TTC23L: variants seen among roughly 807,000 people sequenced by gnomAD.
The protein encoded by TTC23L is tetratricopeptide repeat protein 23-like.
Under a neutral mutation model 48.1 loss-of-function variants are expected in TTC23L, and 42 were observed. The observed-to-expected ratio is 0.87, with a 90% CI of 0.68 to 1.13. The LOEUF is 1.13. Among genes scored for constraint, TTC23L ranks in the 50% most tolerant of loss-of-function variants. The pLI is 0.00. For missense variants in TTC23L, 391 were observed against 421.0 expected, an observed-to-expected ratio of 0.93 and a Z score of 0.62; for synonymous variants, 159 against 157.2, an observed-to-expected ratio of 1.01 and a Z score of -0.09.
At chr5:34,840,619 C>A in intron 1 of TTC23L, 46 bp from the exon 2 acceptor site, 1 of 1,531,924 alleles carries the variant, frequency 6.5e-7, no homozygotes, top group Non-Finnish European at 9.0e-7. Context: ...ATAGAACAGA[C>A]ACCCAGCCTT....
chr5:34,909,045 A>G, the TTC23L span: 2 of 1,181,938 alleles, frequency 1.7e-6, no homozygotes, highest in African/African-American at 3.1e-5. Flanking sequence ...TAAGAATAAA[A>G]TCAAGTACTT....
chr5:34,891,914 T>TTTTTC lies in TTC23L; in HGVS notation c.1078-4852_1078-4848dup, dbSNP rs1164418296. Among the ~76,000 whole-genome samples, 6 of 152,344 alleles carry TTTTTC rather than the reference T, an allele frequency of 3.9e-5. No individual in the cohort carries two copies. In the East Asian group the frequency reaches 1.2e-3, roughly 29 times the overall value. On this transcript the variant is annotated intron_variant, in intron 9 of 10. Transcript: ENST00000505624. Reference sequence around the variant, plus strand: ...GTTTCTTTAGGTACTTGGAAATTAATTTTTCTTTCTGTAAATTACAACGAA... The same window carrying TTTTTC: ...GTTTCTTTAGGTACTTGGAAATTAATTTTTCTTTTCTTTCTGTAAATTACAACGAA...
At chr5:34,840,849 C>T in intron 2 of TTC23L, 110 bp downstream of exon 2, 1 of 975,462 alleles carries the variant, frequency 1.0e-6, no homozygotes, top group Non-Finnish European at 1.6e-6. Flanking sequence ...GCGTTCACGA[C>T]CAGCCTGACC....
chr5:34,867,572 A>G (rs541238205), intron 7 of TTC23L: 1 of 163,162 alleles, frequency 6.1e-6, no homozygotes, highest in African/African-American at 2.4e-5. Context: ...CCCGGGGGAA[A>G]ACAAAACAAA....
At chr5:34,906,225 G>A in the TTC23L span, 1 of 152,044 alleles carries the variant, frequency 6.6e-6, no homozygotes, top group Non-Finnish European at 1.5e-5. Context: ...CCAAAATGCT[G>A]GGATTACAGG....
chr5:34,904,132 A>T (rs1374341680), downstream of TTC23L, among the ~76,000 whole-genome samples: 2 of 146,058 alleles, frequency 1.4e-5, no homozygotes, highest in African/African-American at 5.0e-5. Flanking sequence ...CTGGCTAATT[A>T]AAAAAAAAAA....
At position 34,839,279 on chromosome 5, in the gene TTC23L, C is replaced by G. The variant is rs968807387; in HGVS notation, c.-8+20C>G. Reference sequence around the variant, plus strand: ...ACCGAGGTGCGCCAGGGTCAGGAGGCCGACGCAGCGGGAGGAAGCCGCGCC... The same window carrying G: ...ACCGAGGTGCGCCAGGGTCAGGAGGGCGACGCAGCGGGAGGAAGCCGCGCC... On this transcript the variant is annotated intron_variant, in intron 1 of 10. Transcript: ENST00000505624. 1 of 152,728 alleles carries G rather than the reference C, an allele frequency of 6.5e-6. No individual in the cohort carries two copies. The highest frequency in any genetic ancestry group is 1.5e-5 in the Non-Finnish European group (1 of 68,094). 9.5% of individuals were successfully genotyped at this position (152,728 alleles called of 1,614,324 possible).
chr5:34,873,054 C>T, intron 8 of TTC23L, among the ~76,000 whole-genome samples: 1 of 150,454 alleles, frequency 6.6e-6, no homozygotes, highest in Non-Finnish European at 1.5e-5. Context: ...CAGAGGGAGA[C>T]TCCGTCTCAA....
intron 8 of TTC23L, among the ~76,000 whole-genome samples, chr5:34,879,064 G>A (rs1467545911): frequency 1.3e-5 from 2 of 152,180 alleles, no homozygotes; most frequent in Non-Finnish European, 2.9e-5. Flanking sequence ...GGAACTGAAA[G>A]TCATTATCTT....
At chr5:34,889,849 TG>T (rs745459764) in intron 9 of TTC23L, among the ~76,000 whole-genome samples, 1 of 152,102 alleles carries the variant, frequency 6.6e-6, no homozygotes, top group Non-Finnish European at 1.5e-5. Flanking sequence ...TTTTTGTTTT[TG>T]TTTTTTTGAG....
intron 8 of TTC23L, among the ~76,000 whole-genome samples, chr5:34,878,105 A>G (rs1435566794): frequency 6.6e-6 from 1 of 152,216 alleles, no homozygotes; most frequent in Admixed American, 6.5e-5. Flanking sequence ...TTAAAACAAT[A>G]CCATTTACAT....
chr5:34,919,019 G>C, the TTC23L span: 1 of 151,280 alleles, frequency 6.6e-6, no homozygotes, highest in Non-Finnish European at 1.5e-5. Context: ...GGGAGGCCGA[G>C]GTGGGTGGAA....
chr5:34,851,419 C>T (rs1004247015), intron 4 of TTC23L, among the ~76,000 whole-genome samples: 2 of 152,104 alleles, frequency 1.3e-5, no homozygotes, highest in Admixed American at 6.5e-5. Flanking sequence ...GGCCCTTTTA[C>T]ACCCATTTAT....
chr5:34,861,104 A>T (rs1760596212), intron 4 of TTC23L: 1 of 152,270 alleles, frequency 6.6e-6, no homozygotes, highest in Non-Finnish European at 1.5e-5. Flanking sequence ...AGTAGCTGGG[A>T]CTTCAGGTGC....
At chr5:34,914,064 T>C in the TTC23L span, 2 of 454,794 alleles carry the variant, frequency 4.4e-6, no homozygotes, top group Non-Finnish European at 4.4e-6. Flanking sequence ...TTTACCTCTC[T>C]ATCCCTGAGA....
At chr5:34,893,267 T>G (rs1284358011) in intron 9 of TTC23L, among the ~76,000 whole-genome samples, 1 of 152,088 alleles carries the variant, frequency 6.6e-6, no homozygotes, top group African/African-American at 2.4e-5. Context: ...TATTAAATAG[T>G]ATTGGCAAGA....
the TTC23L span, chr5:34,915,626 C>T: frequency 4.3e-5 from 58 of 1,337,920 alleles, no homozygotes; most frequent in East Asian, 1.5e-3. Flanking sequence ...GCGGCACAGA[C>T]CTGGAGGACG....
Position 34,886,574 on chromosome 5 carries a change from T to G in TTC23L, c.1077+6266T>G, listed in dbSNP as rs61998226. ...GCGACTTTTGGCTGGTTTCGTTACATTTTCCCCTGGGCTTGTAAGCAGGAT... is the reference window on the plus strand; with the variant it reads ...GCGACTTTTGGCTGGTTTCGTTACAGTTTCCCCTGGGCTTGTAAGCAGGAT... On this transcript the variant is annotated intron_variant, in intron 9 of 10. Coordinates refer to ENST00000505624, the Ensembl canonical transcript of TTC23L. 6.7e-3 allele frequency among the ~76,000 whole-genome samples: 1,027 copies of G among 152,234 alleles called. 10 individuals carry two copies. Among genetic ancestry groups the G allele is most frequent in the African/African-American group, 0.024 (996 of 41,528 alleles).
chr5:34,890,156 G>T (rs1487224323), intron 9 of TTC23L, among the ~76,000 whole-genome samples: 2 of 151,542 alleles, frequency 1.3e-5, no homozygotes, highest in Admixed American at 1.3e-4. Flanking sequence ...GAAAGTTTGG[G>T]TATCTTGGCT....
Sources: gnomAD v4.1 joint callset for allele counts (sites outside exome capture counted in the v4.1 genomes callset) on GRCh38, gnomAD v4.1.1 for gene constraint, MANE v1.5 for transcripts, NCBI Gene and HGNC (gene_info 2026-07-23, HGNC 2026-07-21) for gene names.